The following BEND4 variants were observed in gnomAD, a reference collection of about 807,000 sequenced individuals.
BEND4 encodes the protein BEN domain containing 4, also known as BEN domain-containing protein 4.
Under a neutral mutation model 54.7 loss-of-function variants are expected in BEND4, and 27 were observed. The ratio of observed to expected loss-of-function variants is 0.49; its 90% confidence interval spans 0.36 to 0.68. The LOEUF is 0.68. Ranked by LOEUF, BEND4 falls within the 30% of genes least tolerant of loss-of-function variation. BEND4 has a pLI of 0.00. For missense variants in BEND4, 702 were observed against 697.2 expected, an observed-to-expected ratio of 1.01 and a Z score of -0.08; for synonymous variants, 327 against 299.5, an observed-to-expected ratio of 1.09 and a Z score of -0.95.
chr4:42,118,180 T>A (rs1289952951), intron 5 of BEND4, among the ~76,000 whole-genome samples: 2 of 152,132 alleles, frequency 1.3e-5, no homozygotes, highest in Admixed American at 6.5e-5. Flanking sequence ...TAGAGTACAA[T>A]AAAATAACAG....
chr4:42,118,286 T>A (rs1384902420), intron 5 of BEND4, among the ~76,000 whole-genome samples: 1 of 152,232 alleles, frequency 6.6e-6, no homozygotes, highest in Non-Finnish European at 1.5e-5. Context: ...TCTGAAAATG[T>A]CATTTCTATA....
Position 42,111,657 on chromosome 4 carries a change from TCA to T in BEND4, c.*5859_*5860del, listed in dbSNP as rs1297344340. On this transcript the variant is annotated 3_prime_UTR_variant, in exon 6 of 6. Transcript: ENST00000502486. ...TCTTACAAAATTTTCACAACAGTTC[TCA>T]CAGTGACATCATAAATTAAAACTCT... The T allele has an allele frequency of 6.6e-6, 1 of 152,246 alleles. No individual in the cohort carries two copies. Among genetic ancestry groups the T allele is most frequent in the African/African-American group, 2.4e-5 (1 of 41,460 alleles). The allele number at this position is 152,246 out of a possible 1,614,324, so 9.4% of individuals were successfully genotyped here. A position where few individuals can be genotyped will look rare whatever the true frequency, so the allele number is the denominator to read the frequency against.
At position 42,111,851 on chromosome 4, in the gene BEND4, T is replaced by G. The variant is rs1719583423; in HGVS notation, c.*5667A>C. 6.6e-6 allele frequency: 1 copy of G among 152,204 alleles called. No homozygotes were observed. Among genetic ancestry groups the G allele is most frequent in the African/African-American group, 2.4e-5 (1 of 41,446 alleles). 9.4% of individuals were successfully genotyped at this position (152,204 alleles called of 1,614,324 possible). The stretch of plus-strand genomic sequence containing the variant: ...AAATGTTTGCTTTTATCTCCCTGCA[T>G]TTTTGCACTAGGAACCTATGGGACA... On this transcript the variant is annotated 3_prime_UTR_variant, in exon 6 of 6. Coordinates refer to ENST00000502486, the MANE Select transcript of BEND4 (RefSeq NM_207406.4).
At chr4:42,139,227 T>C (rs950881472) in intron 3 of BEND4, among the ~76,000 whole-genome samples, 9 of 152,234 alleles carry the variant, frequency 5.9e-5, no homozygotes, top group Non-Finnish European at 8.8e-5. Context: ...AATTTTCTAG[T>C]GTGGTGATCT....
chr4:42,141,541 G>A (rs1720880634), intron 3 of BEND4, among the ~76,000 whole-genome samples: 1 of 152,140 alleles, frequency 6.6e-6, no homozygotes, highest in Non-Finnish European at 1.5e-5. Flanking sequence ...AGACCAGCCT[G>A]GCCAATGTGG....
intron 3 of BEND4, among the ~76,000 whole-genome samples, chr4:42,139,138 CAA>C (rs1415126951): frequency 2.0e-5 from 3 of 152,134 alleles, no homozygotes; most frequent in Non-Finnish European, 2.9e-5. Context: ...ATTCCTGATC[CAA>C]AAGTCTTCTG....
intron 2 of BEND4, among the ~76,000 whole-genome samples, chr4:42,144,428 T>C (rs1168594387): frequency 3.9e-5 from 6 of 152,226 alleles, no homozygotes; most frequent in Non-Finnish European, 7.3e-5. Flanking sequence ...ATGCCCTTGC[T>C]ATTAATCAGC....
intron 2 of BEND4, among the ~76,000 whole-genome samples, chr4:42,147,582 A>C (rs1309411157): frequency 6.6e-6 from 1 of 151,608 alleles, no homozygotes; most frequent in Non-Finnish European, 1.5e-5. Context: ...TTTATCCCTA[A>C]CTTCCCTAAA....
rs774751620 is a variant in BEND4, at chr4:42,151,704, C to G, written c.440G>C (p.Gly147Ala). 16 of 1,502,368 alleles carry G rather than the reference C, an allele frequency of 1.1e-5. No individual in the cohort carries two copies. The highest frequency in any genetic ancestry group is 1.8e-4 in the Middle Eastern group (1 of 5,670). 93.1% of individuals were successfully genotyped at this position (1,502,368 alleles called of 1,614,324 possible). Residue 147 changes from glycine (G) to alanine (A), a missense_variant, in exon 2 of 6, where the codon GGC becomes GCC. Coordinates refer to ENST00000502486, the MANE Select transcript of BEND4 (RefSeq NM_207406.4). ...RYGPGAAAAA[G>A]TGGTGSDSAS... ...GCTGTCGCTACCCGTGCCGCCGGTG[C>G]CGGCGGCCGCCGCCGCGCCTGGGCC...
intron 3 of BEND4, among the ~76,000 whole-genome samples, chr4:42,142,748 C>G (rs976667239): frequency 1.1e-4 from 16 of 150,524 alleles, no homozygotes; most frequent in African/African-American, 3.9e-4. Context: ...CTCTGAAAAT[C>G]TAGTGTCTCT....
At chr4:42,132,625 CAGT>C (rs1720549508) in intron 3 of BEND4, among the ~76,000 whole-genome samples, 1 of 151,798 alleles carries the variant, frequency 6.6e-6, no homozygotes, top group Non-Finnish European at 1.5e-5. Flanking sequence ...TTTCTATTTT[CAGT>C]AGAGAGGGAG....
intron 3 of BEND4, among the ~76,000 whole-genome samples, chr4:42,139,318 T>TA (rs1309808284): frequency 4.6e-5 from 7 of 152,212 alleles, no homozygotes; most frequent in Non-Finnish European, 1.5e-5. Context: ...TCTGAAAAGT[T>TA]AGAGAGAATT....
chr4:42,123,413 C>A (rs1178875008), intron 4 of BEND4, among the ~76,000 whole-genome samples: 1 of 151,178 alleles, frequency 6.6e-6, no homozygotes, highest in Non-Finnish European at 1.5e-5. Context: ...GAAAAAAAAA[C>A]AGAACAAATC....
At position 42,145,944 on chromosome 4, in the gene BEND4, T is replaced by C. The variant is rs914834965; in HGVS notation, c.488-1950A>G. Among the ~76,000 whole-genome samples the C allele has an allele frequency of 2.0e-5, 3 of 152,200 alleles. No individual in the cohort carries two copies. The East Asian group carries it at 5.8e-4, about 29-fold the overall frequency. The stretch of plus-strand genomic sequence containing the variant: ...ACATACATAAGAGCATCTTAGTTTA[T>C]AGCATTTTCAGATTTACTTGACTGA... On this transcript the variant is annotated intron_variant, in intron 2 of 5. Transcript: ENST00000502486.
chr4:42,123,694 G>GAAAAA (rs71664396), intron 4 of BEND4, among the ~76,000 whole-genome samples: 1,909 of 50,328 alleles, frequency 0.038, 89 homozygotes, highest in African/African-American at 0.12. Context: ...CTGTAATTCA[G>GAAAAA]AAAAAAAAAA....
At position 42,145,293 on chromosome 4, in the gene BEND4, G is replaced by A. The variant is rs992138557; in HGVS notation, c.488-1299C>T. On this transcript the variant is annotated intron_variant, in intron 2 of 5. Coordinates refer to ENST00000502486, the MANE Select transcript of BEND4 (RefSeq NM_207406.4). The stretch of plus-strand genomic sequence containing the variant: ...ACACTACAGGAGAACTCCATGCAGT[G>A]CTCAACGTTCCACTGTGTTCTTTTT... 7.2e-5 allele frequency among the ~76,000 whole-genome samples: 11 copies of A among 152,270 alleles called. No homozygotes were observed. In the East Asian group the frequency reaches 2.1e-3, roughly 29 times the overall value.
rs1271493398 is a variant in BEND4 at position 42,112,562 on chromosome 4, T to C, written c.*4956A>G. ...ACACAGCCCTTATATCAGACAGCTA[T>C]AGAGAATTGTGAGGAAAATTAATCC... is the stretch of plus-strand genomic sequence containing the variant. On this transcript the variant is annotated 3_prime_UTR_variant, in exon 6 of 6. Transcript: ENST00000502486. The C allele has an allele frequency of 2.0e-5, 3 of 152,188 alleles. No individual in the cohort carries two copies. Among genetic ancestry groups the C allele is most frequent in the Non-Finnish European group, 2.9e-5 (2 of 68,032 alleles). 9.4% of individuals were successfully genotyped at this position (152,188 alleles called of 1,614,324 possible).
intron 3 of BEND4, among the ~76,000 whole-genome samples, chr4:42,139,661 C>T (rs748418638): frequency 1.3e-5 from 2 of 152,116 alleles, no homozygotes; most frequent in Non-Finnish European, 2.9e-5. Flanking sequence ...GCTACCTGGG[C>T]TCTGACCTGC....
intron 3 of BEND4, among the ~76,000 whole-genome samples, chr4:42,132,067 T>C (rs1345640493): frequency 6.6e-6 from 1 of 151,770 alleles, no homozygotes; most frequent in Non-Finnish European, 1.5e-5. Flanking sequence ...TCTAGAAAAG[T>C]GGGAGTGAAA....
Sources: gnomAD v4.1 joint callset for allele counts (sites outside exome capture counted in the v4.1 genomes callset) on GRCh38, gnomAD v4.1.1 for gene constraint, MANE v1.5 for transcripts, NCBI Gene and HGNC (gene_info 2026-07-23, HGNC 2026-07-21) for gene names.